Variants in PTBP2 observed in about 807,000 individuals in gnomAD.
PTBP2 encodes the protein polypyrimidine tract-binding protein 2.
A neutral mutation model predicts 61.4 loss-of-function variants in PTBP2; 13 were observed. The ratio of observed to expected loss-of-function variants is 0.21; its 90% CI spans 0.14 to 0.34. The LOEUF is 0.34. Among genes scored for constraint, PTBP2 ranks in the 10% least tolerant of loss-of-function variants. The pLI, the probability that PTBP2 is intolerant of heterozygous loss-of-function variation, is 1.00. For synonymous variants in PTBP2, 215 were observed against 218.5 expected (o/e 0.98, Z 0.14); for missense variants, 405 against 642.6 (o/e 0.63, Z 4.00).
intron 2 of PTBP2, among the ~76,000 whole-genome samples, chr1:96,741,157 T>C (rs1652959983): frequency 6.6e-6 from 1 of 150,960 alleles, no homozygotes; most frequent in African/African-American, 2.4e-5. Flanking sequence ...TTGCATTCCC[T>C]ATTAATGCAA....
At chr1:96,748,485 A>G (rs1197408733) in intron 2 of PTBP2, among the ~76,000 whole-genome samples, 2 of 151,678 alleles carry the variant, frequency 1.3e-5, no homozygotes, top group South Asian at 2.1e-4. Flanking sequence ...GTATCTTCCT[A>G]TTTCTGAATT....
At chr1:96,810,726 C>A (rs553086543) in intron 11 of PTBP2, among the ~76,000 whole-genome samples, 2 of 152,270 alleles carry the variant, frequency 1.3e-5, no homozygotes, top group African/African-American at 4.8e-5. Flanking sequence ...CTCAAACTCA[C>A]ACTTAATAAC....
chr1:96,727,463 A>C (rs1232812759), intron 2 of PTBP2, among the ~76,000 whole-genome samples: 1 of 152,164 alleles, frequency 6.6e-6, no homozygotes, highest in Non-Finnish European at 1.5e-5. Flanking sequence ...TAACTTTTTA[A>C]GGAACTGCAA....
intron 2 of PTBP2, among the ~76,000 whole-genome samples, chr1:96,724,718 A>AG (rs1161257001): frequency 8.2e-5 from 2 of 24,308 alleles, no homozygotes; most frequent in African/African-American, 1.6e-4. Context: ...TATAGGGGGG[A>AG]GGGGGGAGGG....
At chr1:96,800,087 C>T (rs541572638) in intron 8 of PTBP2, among the ~76,000 whole-genome samples, 1 of 152,212 alleles carries the variant, frequency 6.6e-6, no homozygotes, top group East Asian at 1.9e-4. Context: ...GTGGTGGCTT[C>T]TTTTACCTAT....
At chr1:96,808,781 C>T (rs1661746114) in intron 11 of PTBP2, among the ~76,000 whole-genome samples, 1 of 151,536 alleles carries the variant, frequency 6.6e-6, no homozygotes, top group South Asian at 2.1e-4. Flanking sequence ...GTACTGACAC[C>T]ATCATTTCCT....
At chr1:96,737,916 C>T (rs1652452846) in intron 2 of PTBP2, among the ~76,000 whole-genome samples, 2 of 151,942 alleles carry the variant, frequency 1.3e-5, no homozygotes, top group South Asian at 2.1e-4. Flanking sequence ...TTTCATGCCA[C>T]GCTGTTGATT....
intron 3 of PTBP2, among the ~76,000 whole-genome samples, chr1:96,755,819 T>A (rs940392003): frequency 1.3e-5 from 2 of 152,122 alleles, no homozygotes; most frequent in African/African-American, 2.4e-5. Context: ...CTTAGGAGTT[T>A]AAGAGTGGGA....
chr1:96,788,897 A>G (rs889241199), intron 8 of PTBP2, among the ~76,000 whole-genome samples: 2 of 152,042 alleles, frequency 1.3e-5, no homozygotes, highest in African/African-American at 4.8e-5. Context: ...AAGAAAGGAG[A>G]CTGAGTGCTT....
chr1:96,744,245 G>A (rs1164141205), intron 2 of PTBP2, among the ~76,000 whole-genome samples: 4 of 152,012 alleles, frequency 2.6e-5, no homozygotes, highest in African/African-American at 9.7e-5. Flanking sequence ...ATGTATATAT[G>A]TAAGTTTGAG....
Position 96,813,588 on chromosome 1 carries a change from G to A in PTBP2, c.*183G>A, listed in dbSNP as rs1662278040. On this transcript the variant is annotated 3_prime_UTR_variant, in exon 14 of 14. Transcript: ENST00000674951. ...ATGAAATGGCATATGTAAAGGCAGA[G>A]TTGTTAACTGCTATATTTCATCTGT... The A allele has an allele frequency of 2.5e-6, 1 of 398,658 alleles. No individual in the cohort carries two copies. The highest frequency in any genetic ancestry group is 4.6e-5 in the Admixed American group (1 of 21,622). 24.7% of individuals were successfully genotyped at this position (398,658 alleles called of 1,614,324 possible). A position where few individuals can be genotyped will look rare whatever the true frequency, so the allele number is the denominator to read the frequency against.
Position 96,804,849 on chromosome 1 carries a change from A to AGCTGCT in PTBP2, c.957_962dup (p.Ala323_Ala324dup). On this transcript the variant is annotated inframe_insertion, in exon 9 of 14. Coordinates refer to ENST00000674951, the MANE Select transcript of PTBP2 (RefSeq NM_021190.4). ...TGGCCATTCCAAATGCTGCTGCAGC[A>AGCTGCT]GCTGCTGCAGCTGCTGCTGGCCGAG... 6.2e-7 allele frequency: 1 copy of AGCTGCT among 1,610,860 alleles called. No individual in the cohort carries two copies. The highest frequency in any genetic ancestry group is 8.5e-7 in the Non-Finnish European group (1 of 1,177,840).
chr1:96,761,360 G>GTA (rs1312327626), intron 3 of PTBP2, among the ~76,000 whole-genome samples: 2 of 139,552 alleles, frequency 1.4e-5, no homozygotes, highest in Non-Finnish European at 3.0e-5. Flanking sequence ...GTGTGTGTGT[G>GTA]TGTGTGTGTG....
chr1:96,799,645 T>A (rs1224862577), intron 8 of PTBP2, among the ~76,000 whole-genome samples: 1 of 152,206 alleles, frequency 6.6e-6, no homozygotes, highest in East Asian at 1.9e-4. Context: ...TTATAATTTA[T>A]GTAGCTAAAA....
At chr1:96,806,839 G>T in intron 10 of PTBP2, 27 bp from the exon 11 acceptor site, 4 of 1,558,008 alleles carry the variant, frequency 2.6e-6, no homozygotes, top group Non-Finnish European at 2.6e-6. Flanking sequence ...TCCATTTTTG[G>T]ATTACCTCTC....
chr1:96,790,117 T>G (rs183952816), intron 8 of PTBP2, among the ~76,000 whole-genome samples: 1 of 152,272 alleles, frequency 6.6e-6, no homozygotes. Flanking sequence ...TCTCATTCAT[T>G]TACTTATGAA....
At chr1:96,767,782 A>G (rs1299258228) in intron 3 of PTBP2, among the ~76,000 whole-genome samples, 1 of 152,094 alleles carries the variant, frequency 6.6e-6, no homozygotes, top group Non-Finnish European at 1.5e-5. Context: ...CTTCCTTTTG[A>G]CAAATTCAGG....
In PTBP2 at chr1:96,813,077, G is replaced by T; in HGVS notation, c.1437G>T (p.Gly479=). 6.2e-7 allele frequency: 1 copy of T among 1,612,988 alleles called. No individual in the cohort carries two copies. Among genetic ancestry groups the T allele is most frequent in the Non-Finnish European group, 8.5e-7 (1 of 1,179,376 alleles). ...EDLRTLFANT[G]GTVKAFKFFQ... ...TACGAACACTGTTCGCTAACACTGG[G>T]GGCACTGTGAAAGCATTTAAGTTTT... Residue 479 remains glycine, a synonymous_variant, in exon 13 of 14, where the codon GGG becomes GGT. Transcript: ENST00000674951.
chr1:96,784,939 C>A, intron 7 of PTBP2, 120 bp from the exon 8 acceptor site: 1 of 766,500 alleles, frequency 1.3e-6, no homozygotes, highest in South Asian at 2.2e-5. Flanking sequence ...AAATTTGAAT[C>A]CTTTTCCTGG....
Sources: allele counts gnomAD v4.1 joint callset (sites outside exome capture counted in the v4.1 genomes callset), GRCh38; gene constraint gnomAD v4.1.1; transcripts MANE v1.5; gene names NCBI Gene and HGNC (gene_info 2026-07-23, HGNC 2026-07-21).